NUP210: variants seen among roughly 807,000 people sequenced by gnomAD.
NUP210 encodes nuclear pore membrane glycoprotein 210.
NUP210 carries 151 observed loss-of-function variants against 196.0 expected under a neutral mutation model. The ratio of observed to expected loss-of-function variants is 0.77; its 90% CI spans 0.67 to 0.88. The LOEUF (loss-of-function observed/expected upper bound fraction) is 0.88, where lower values mean the gene tolerates loss of function less well. NUP210 is among the 40% of genes least tolerant of loss of function. NUP210 has a pLI of 0.00. For synonymous variants in NUP210, 1,070 were observed against 1,052.7 expected, an observed-to-expected ratio of 1.02 and a Z score of -0.32; for missense variants, 2,314 against 2,493.7, an observed-to-expected ratio of 0.93 and a Z score of 1.53.
At chr3:13,383,341 T>G (rs578039174) in intron 6 of NUP210, among the ~76,000 whole-genome samples, 2 of 152,186 alleles carry the variant, frequency 1.3e-5, no homozygotes, top group South Asian at 2.1e-4. Flanking sequence ...CATGACATGA[T>G]GAAAGGGAGG....
chr3:13,383,658 G>A (rs1699175093), intron 6 of NUP210, among the ~76,000 whole-genome samples: 1 of 151,386 alleles, frequency 6.6e-6, no homozygotes, highest in Non-Finnish European at 1.5e-5. Context: ...CTGAGTAGCT[G>A]GGACTACAGG....
In NUP210 at chr3:13,393,620, C is replaced by T. The variant is rs774330061; in HGVS notation, c.437-2313G>A. Among the ~76,000 whole-genome samples, 75 of 152,242 alleles carry T rather than the reference C, an allele frequency of 4.9e-4. 1 individual carries two copies. The highest frequency in any genetic ancestry group is 1.0e-3 in the Non-Finnish European group (68 of 68,042). On this transcript the variant is annotated intron_variant, in intron 3 of 39. Coordinates refer to ENST00000254508, the MANE Select transcript of NUP210 (RefSeq NM_024923.4). ...GCCAGCTGCTGGCAACATGGCCAGACCCAGCTGCGTGGGCCCTGGGGATGT... is the reference window on the plus strand; with the variant it reads ...GCCAGCTGCTGGCAACATGGCCAGATCCAGCTGCGTGGGCCCTGGGGATGT...
At chr3:13,402,372 C>CG (rs1699868159) in intron 1 of NUP210, among the ~76,000 whole-genome samples, 1 of 152,110 alleles carries the variant, frequency 6.6e-6, no homozygotes, top group Middle Eastern at 3.2e-3. Context: ...GCCTGTAAAT[C>CG]CCACACCCTC....
At chr3:13,400,372 CA>C (rs1239977860) in intron 1 of NUP210, among the ~76,000 whole-genome samples, 3 of 152,178 alleles carry the variant, frequency 2.0e-5, no homozygotes, top group African/African-American at 7.2e-5. Flanking sequence ...TAAACACAAC[CA>C]TGAGCTCCCA....
At chr3:13,360,000 G>C (rs1698314760) in intron 15 of NUP210, among the ~76,000 whole-genome samples, 1 of 152,180 alleles carries the variant, frequency 6.6e-6, no homozygotes. Flanking sequence ...GGTTAGTGGG[G>C]GATGCTGAAG....
intron 1 of NUP210, among the ~76,000 whole-genome samples, chr3:13,410,917 CAAAAAAA>C (rs35395985): frequency 1.8e-4 from 14 of 77,464 alleles, no homozygotes; most frequent in African/African-American, 6.6e-4. Flanking sequence ...GACTCTGTCT[CAAAAAAA>C]AAAAAAAAAA....
At chr3:13,329,119 C>T (rs1696894401) in intron 30 of NUP210, among the ~76,000 whole-genome samples, 173 bp from the exon 31 acceptor site, 1 of 152,158 alleles carries the variant, frequency 6.6e-6, no homozygotes, top group Non-Finnish European at 1.5e-5. Flanking sequence ...CAGAGTGTCC[C>T]AACCTAGTGA....
chr3:13,418,497 G>A (rs927769366), intron 1 of NUP210, among the ~76,000 whole-genome samples: 1 of 152,112 alleles, frequency 6.6e-6, no homozygotes, highest in Non-Finnish European at 1.5e-5. Flanking sequence ...AGCATTTTGG[G>A]AAGCTGAGGC....
rs537122913 is a variant in NUP210, at chr3:13,366,958, C to T, written c.1787-867G>A. ...TGACCAACATGGAGAAACCCTGTCT[C>T]TACTAAAAATACAAAAAATTAGCCA... On this transcript the variant is annotated intron_variant, in intron 13 of 39. Coordinates refer to ENST00000254508, the MANE Select transcript of NUP210 (RefSeq NM_024923.4). Among the ~76,000 whole-genome samples, 527 of 150,180 alleles carry T rather than the reference C, an allele frequency of 3.5e-3. 5 individuals carry two copies. Among genetic ancestry groups the T allele is most frequent in the Admixed American group, 9.7e-3 (147 of 15,134 alleles).
rs753000264 is a variant in NUP210, at chr3:13,317,792, A to T, written c.5564-11T>A. 2.5e-6 allele frequency: 4 copies of T among 1,583,162 alleles called. No homozygotes were observed. The highest frequency in any genetic ancestry group is 3.5e-6 in the Non-Finnish European group (4 of 1,157,682). On this transcript the variant is annotated splice_polypyrimidine_tract_variant and intron_variant, in intron 39 of 39. Coordinates refer to ENST00000254508, the MANE Select transcript of NUP210 (RefSeq NM_024923.4). The stretch of plus-strand genomic sequence containing the variant: ...ATGAGGCAGCGAAATCTAGGGTGGG[A>T]AGAGAGACGATGTTAGCAGCAGAGC...
At chr3:13,355,048 C>T (rs538838263) in intron 16 of NUP210, among the ~76,000 whole-genome samples, 48 of 152,346 alleles carry the variant, frequency 3.2e-4, no homozygotes, top group South Asian at 1.4e-3. Flanking sequence ...CCCAGCTCCA[C>T]CTCTCAGTGC....
At chr3:13,397,605 C>G in intron 2 of NUP210, 117 bp from the exon 3 acceptor site, 2 of 1,144,288 alleles carry the variant, frequency 1.7e-6, no homozygotes, top group Non-Finnish European at 1.2e-6. Context: ...GCTTCACCCT[C>G]AGAAGCCAAG....
In NUP210 at chr3:13,420,216, C is replaced by T; in HGVS notation, c.11G>A (p.Arg4Gln). MAA[R>Q]GRGLLLLTLS... ...CGTCAGCAGCAGCAGCCCCCGGCCCCGCGCCGCCATCCTCGCCGCGCGTCA... is the reference window on the plus strand; with the variant it reads ...CGTCAGCAGCAGCAGCCCCCGGCCCTGCGCCGCCATCCTCGCCGCGCGTCA... Residue 4 changes from arginine to glutamine, a missense_variant, in exon 1 of 40, where the codon CGG becomes CAG. Arg to Gln is a conservative substitution (Grantham distance 43). Coordinates refer to ENST00000254508, the MANE Select transcript of NUP210 (RefSeq NM_024923.4). This position sits in a 1 kb window ranked among gnomAD's most constrained non-coding sequence, Gnocchi z 4.8. 1 of 1,160,046 alleles carries T rather than the reference C, an allele frequency of 8.6e-7. No individual in the cohort carries two copies. Among genetic ancestry groups the T allele is most frequent in the Non-Finnish European group, 1.1e-6 (1 of 935,692 alleles). The allele number at this position is 1,160,046 out of a possible 1,614,324, so 71.9% of individuals were successfully genotyped here.
rs984347652 is a variant in NUP210 at position 13,366,071 on chromosome 3, C to T, written c.1807G>A (p.Glu603Lys). 6.2e-7 allele frequency: 1 copy of T among 1,613,822 alleles called. No individual in the cohort carries two copies. Residue 603 changes from glutamate (E) to lysine (K), a missense_variant, in exon 14 of 40, where the codon GAG (glutamate) becomes AAG (lysine). Transcript: ENST00000254508. ...PLPGRLPPGS[E>K]HCSGIRVKAE... ...TTTACCCGGATGCCGCTGCAGTGCT[C>T]AGAGCCTGGCGGCAGCCTCCCTACA... is the stretch of plus-strand genomic sequence containing the variant.
intron 25 of NUP210, among the ~76,000 whole-genome samples, chr3:13,339,639 G>A (rs1449856040): frequency 6.6e-6 from 1 of 152,238 alleles, no homozygotes; most frequent in Admixed American, 6.5e-5. Context: ...TGGAAGGACT[G>A]GGAGACTCAG....
At chr3:13,396,616 T>C (rs1176513735) in intron 3 of NUP210, among the ~76,000 whole-genome samples, 1 of 150,046 alleles carries the variant, frequency 6.7e-6, no homozygotes, top group Non-Finnish European at 1.5e-5. Flanking sequence ...AAAAATTAGC[T>C]GGGCTTGGTG....
At chr3:13,328,175 C>T (rs977274755) in intron 31 of NUP210, among the ~76,000 whole-genome samples, 10 of 152,244 alleles carry the variant, frequency 6.6e-5, no homozygotes, top group Admixed American at 6.5e-5. Flanking sequence ...ATGCCCTAAA[C>T]TGATGGATGG....
chr3:13,412,920 G>A (rs1173359462), intron 1 of NUP210, among the ~76,000 whole-genome samples: 8 of 151,384 alleles, frequency 5.3e-5, no homozygotes, highest in Non-Finnish European at 8.8e-5. Flanking sequence ...GCAGTGAGCC[G>A]AGATCAGGCC....
chr3:13,407,337 G>A (rs1685981971), intron 1 of NUP210, among the ~76,000 whole-genome samples: 1 of 152,144 alleles, frequency 6.6e-6, no homozygotes, highest in Non-Finnish European at 1.5e-5. Context: ...AGGAGTTCAA[G>A]GCATTGTGAT....
Sources: gnomAD v4.1 joint callset for allele counts (sites outside exome capture counted in the v4.1 genomes callset) on GRCh38, gnomAD v4.1.1 for gene constraint, Gnocchi (gnomAD v3.1) non-coding constraint, MANE v1.5 for transcripts, NCBI Gene and HGNC (gene_info 2026-07-23, HGNC 2026-07-21) for gene names.